Variants in ADAM18 observed in about 807,000 individuals in gnomAD.
ADAM18 encodes ADAM metallopeptidase domain 18.
A neutral mutation model predicts 94.4 loss-of-function variants in ADAM18; 117 were observed. The observed-to-expected ratio is 1.24, with a 90% CI of 1.07 to 1.45. The LOEUF (loss-of-function observed/expected upper bound fraction) is 1.45. Ranked by LOEUF, ADAM18 falls within the 40% of genes most tolerant of loss-of-function variation. The pLI is 0.00. For missense variants in ADAM18, 936 were observed against 880.0 expected (o/e 1.06, Z -0.81); for synonymous variants, 327 against 291.6 (o/e 1.12, Z -1.24).
At chr8:39,711,891 A>T (rs1286241242) in intron 18 of ADAM18, among the ~76,000 whole-genome samples, 1 of 152,148 alleles carries the variant, frequency 6.6e-6, no homozygotes, top group Admixed American at 6.5e-5. Flanking sequence ...TATGAAAATC[A>T]TAAATATACA....
intron 18 of ADAM18, among the ~76,000 whole-genome samples, chr8:39,718,931 C>A (rs1822661442): frequency 6.6e-6 from 1 of 151,300 alleles, no homozygotes; most frequent in East Asian, 1.9e-4. Context: ...ATTTGTTTAT[C>A]CATATAAGAA....
intron 12 of ADAM18, among the ~76,000 whole-genome samples, chr8:39,661,142 T>TTTC (rs1440469891): frequency 3.4e-5 from 5 of 146,430 alleles, no homozygotes; most frequent in African/African-American, 7.6e-5. Context: ...AAAACAACTG[T>TTTC]TTCTTCTTCT....
Position 39,663,859 on chromosome 8 carries a change from G to A in ADAM18, c.1295G>A (p.Gly432Asp), listed in dbSNP as rs1006302490. 9.3e-6 allele frequency: 15 copies of A among 1,611,790 alleles called. No individual in the cohort carries two copies. The highest frequency in any genetic ancestry group is 1.3e-5 in the Non-Finnish European group (15 of 1,179,482). ...TCKLKGSVKC[G>D]SGPCCTSKCE... ...AAACTGAAGGGCTCAGTAAAATGTG[G>A]TTCTGGACCATGTTGTACATCAAAG... Residue 432 changes from glycine to aspartate, a missense_variant, in exon 13 of 20, where the codon GGT becomes GAT. Gly to Asp is a moderately conservative substitution (Grantham distance 94). Coordinates refer to ENST00000265707, the MANE Select transcript of ADAM18 (RefSeq NM_014237.3).
chr8:39,661,454 G>A (rs931563288), intron 12 of ADAM18, among the ~76,000 whole-genome samples: 1 of 151,110 alleles, frequency 6.6e-6, no homozygotes, highest in African/African-American at 2.4e-5. Context: ...GATTACAGGC[G>A]TGAGCCACCA....
intron 6 of ADAM18, among the ~76,000 whole-genome samples, chr8:39,616,346 G>A (rs1225187768): frequency 6.6e-6 from 1 of 152,152 alleles, no homozygotes; most frequent in Non-Finnish European, 1.5e-5. Flanking sequence ...GGAAGCTGAG[G>A]TTGCAGTGAG....
chr8:39,638,414 C>T, intron 9 of ADAM18, 51 bp from the exon 10 acceptor site: 6 of 1,264,758 alleles, frequency 4.7e-6, no homozygotes, highest in Non-Finnish European at 4.4e-6. Flanking sequence ...AATACATAAG[C>T]TTACAAATTG....
chr8:39,593,052 G>A (rs1295564340), intron 2 of ADAM18, among the ~76,000 whole-genome samples: 1 of 152,132 alleles, frequency 6.6e-6, no homozygotes, highest in Non-Finnish European at 1.5e-5. Context: ...TTTTGTTATG[G>A]AGATATCTTC....
intron 12 of ADAM18, among the ~76,000 whole-genome samples, chr8:39,660,198 A>G (rs900329549): frequency 6.6e-6 from 1 of 152,170 alleles, no homozygotes; most frequent in Non-Finnish European, 1.5e-5. Context: ...CAAAAGATCT[A>G]CAAAACAACC....
intron 18 of ADAM18, among the ~76,000 whole-genome samples, chr8:39,715,517 G>T (rs1822543846): frequency 6.6e-6 from 1 of 150,796 alleles, no homozygotes; most frequent in South Asian, 2.1e-4. Flanking sequence ...ATGAAAGACT[G>T]GTTCTTTGAA....
At chr8:39,635,641 A>G (rs925342077) in intron 7 of ADAM18, among the ~76,000 whole-genome samples, 7 of 152,134 alleles carry the variant, frequency 4.6e-5, no homozygotes, top group African/African-American at 7.2e-5. Flanking sequence ...TCAGTCCTCA[A>G]TTATAAGATC....
chr8:39,613,730 C>T (rs995709289), intron 6 of ADAM18, among the ~76,000 whole-genome samples: 11 of 151,982 alleles, frequency 7.2e-5, no homozygotes, highest in African/African-American at 2.7e-4. Flanking sequence ...TCTAAAGAAT[C>T]CAATTAAACA....
chr8:39,628,059 A>G (rs1000213264), intron 6 of ADAM18, among the ~76,000 whole-genome samples: 13 of 152,084 alleles, frequency 8.5e-5, no homozygotes, highest in African/African-American at 2.9e-4. Flanking sequence ...CTTGTTTGCA[A>G]GGTTTCTGCT....
rs1301552790 is a variant in ADAM18 at position 39,668,011 on chromosome 8, G to T, written c.1340G>T (p.Gly447Val). Reference sequence around the variant, plus strand: ...TTTTCCTCCCAGTTGTCAATAGCAGGCACTCCATGTAGAAAGAGTATTGAT... The same window carrying T: ...TTTTCCTCCCAGTTGTCAATAGCAGTCACTCCATGTAGAAAGAGTATTGAT... ...CTSKCELSIA[G>V]TPCRKSIDPE... The change falls in exon 14 of 20, where the codon GGC becomes GTC. Residue 447 changes from glycine to valine, a missense_variant. Gly to Val is a moderately radical substitution (Grantham distance 109). Transcript: ENST00000265707. 1 of 1,613,634 alleles carries T rather than the reference G, an allele frequency of 6.2e-7. No homozygotes were observed. Among genetic ancestry groups the T allele is most frequent in the Non-Finnish European group, 8.5e-7 (1 of 1,179,822 alleles).
At chr8:39,667,669 G>C (rs1821028167) in intron 13 of ADAM18, among the ~76,000 whole-genome samples, 6 of 152,142 alleles carry the variant, frequency 3.9e-5, no homozygotes, top group African/African-American at 1.4e-4. Context: ...GAACAAAAAG[G>C]TAGAGACAGT....
At chr8:39,679,928 A>G in intron 15 of ADAM18, 109 bp from the exon 16 acceptor site, 1 of 1,037,500 alleles carries the variant, frequency 9.6e-7, no homozygotes, top group East Asian at 2.5e-5. Context: ...GGCATTTTTC[A>G]GTTGTTATAC....
intron 14 of ADAM18, among the ~76,000 whole-genome samples, chr8:39,676,163 A>G (rs1451521064): frequency 6.6e-6 from 1 of 152,146 alleles, no homozygotes; most frequent in East Asian, 1.9e-4. Context: ...TGCTGGGAGA[A>G]CCACTGCTCT....
In ADAM18 at chr8:39,637,527, T is replaced by G; in HGVS notation, c.661-10T>G. The G allele has an allele frequency of 6.3e-7, 1 of 1,591,270 alleles. No homozygotes were observed. The highest frequency in any genetic ancestry group is 8.5e-7 in the Non-Finnish European group (1 of 1,169,910). Reference sequence around the variant, plus strand: ...TTTCTTTAAAAATGTACAATACATCTTATTTTTAGATGTTTACCCAGTTCA... The same window carrying G: ...TTTCTTTAAAAATGTACAATACATCGTATTTTTAGATGTTTACCCAGTTCA... On this transcript the variant is annotated splice_polypyrimidine_tract_variant and intron_variant, in intron 8 of 19. Transcript: ENST00000265707.
chr8:39,606,266 C>G (rs779685075), intron 2 of ADAM18, 41 bp from the exon 3 acceptor site: 1 of 1,121,410 alleles, frequency 8.9e-7, no homozygotes, highest in South Asian at 1.5e-5. Flanking sequence ...TTATATATTT[C>G]TGGTTTCCTT....
intron 19 of ADAM18, among the ~76,000 whole-genome samples, chr8:39,724,629 A>G (rs1179701606): frequency 6.6e-6 from 1 of 151,320 alleles, no homozygotes; most frequent in South Asian, 2.1e-4. Context: ...TTCTTTTTCT[A>G]GTAGTTGTAA....
Sources: gnomAD v4.1 joint callset for allele counts (sites outside exome capture counted in the v4.1 genomes callset) on GRCh38, gnomAD v4.1.1 for gene constraint, MANE v1.5 for transcripts, NCBI Gene and HGNC (gene_info 2026-07-23, HGNC 2026-07-21) for gene names.